Variants in VASH2 observed in about 807,000 individuals in gnomAD.
The protein encoded by VASH2 is vasohibin 2.
Under a neutral mutation model 37.2 loss-of-function variants are expected in VASH2, and 28 were observed. The observed-to-expected ratio is 0.75, with a 90% CI of 0.56 to 1.03. The LOEUF (loss-of-function observed/expected upper bound fraction) is 1.03, where lower values mean the gene tolerates loss of function less well. VASH2 is among the 50% of genes least tolerant of loss of function. The pLI is 0.00. For synonymous variants in VASH2, 188 were observed against 174.7 expected (o/e 1.08, Z -0.60); for missense variants, 419 against 459.1 (o/e 0.91, Z 0.80).
intron 7 of VASH2, among the ~76,000 whole-genome samples, chr1:212,980,735 A>G (rs1667316001): frequency 6.6e-6 from 1 of 152,252 alleles, no homozygotes; most frequent in South Asian, 2.1e-4. Flanking sequence ...CCCAAGAAGT[A>G]ATTCTCCTTA....
chr1:212,987,701 G>C (rs1174183580), intron 7 of VASH2, among the ~76,000 whole-genome samples: 1 of 152,208 alleles, frequency 6.6e-6, no homozygotes, highest in Non-Finnish European at 1.5e-5. Context: ...TCCTAAACTT[G>C]ATTCATGATC....
chr1:212,969,068 C>G, intron 5 of VASH2: 1 of 985,412 alleles, frequency 1.0e-6, no homozygotes, highest in Non-Finnish European at 1.2e-6. Flanking sequence ...CGTGGTTTTC[C>G]TTTGTTCTTA....
intron 7 of VASH2, chr1:212,974,550 C>G (rs1667114847): frequency 6.6e-6 from 1 of 152,288 alleles, no homozygotes; most frequent in South Asian, 2.1e-4. Context: ...CAGAAACACC[C>G]ACCGGCTCTT....
chr1:212,976,964 C>T (rs547552272), intron 7 of VASH2, among the ~76,000 whole-genome samples: 44 of 151,930 alleles, frequency 2.9e-4, no homozygotes, highest in Non-Finnish European at 4.6e-4. Flanking sequence ...GGTGATGGCT[C>T]AGGGCTCAGC....
At chr1:212,968,336 A>G in intron 5 of VASH2, 2 of 985,466 alleles carry the variant, frequency 2.0e-6, no homozygotes, top group Non-Finnish European at 2.4e-6. Flanking sequence ...AAGGAAAGAG[A>G]GGTAGAAAGA....
At chr1:212,963,629 G>A (rs1461350508) in intron 3 of VASH2, among the ~76,000 whole-genome samples, 1 of 152,100 alleles carries the variant, frequency 6.6e-6, no homozygotes, top group East Asian at 1.9e-4. Flanking sequence ...TGGATTGGGG[G>A]AGAAGCCTTC....
At chr1:212,953,286 C>A (rs1666381646) in intron 2 of VASH2, among the ~76,000 whole-genome samples, 1 of 152,064 alleles carries the variant, frequency 6.6e-6, no homozygotes, top group African/African-American at 2.4e-5. Flanking sequence ...TTGTAGAGAC[C>A]AGTCTCCCAC....
intron 5 of VASH2, chr1:212,968,193 GA>G (rs1384631262): frequency 1.0e-6 from 1 of 985,240 alleles, no homozygotes; most frequent in African/African-American, 1.7e-5. Context: ...ATCTGCACTG[GA>G]AATGCGAATT....
chr1:212,975,570 A>G (rs954061826), intron 7 of VASH2, among the ~76,000 whole-genome samples: 20 of 152,168 alleles, frequency 1.3e-4, no homozygotes, highest in African/African-American at 4.8e-4. Flanking sequence ...CTTACCCTAT[A>G]TCTCTCTCTG....
chr1:212,951,801 G>C lies in VASH2; in HGVS notation c.259G>C (p.Ala87Pro), dbSNP rs1666318752. ...AGAAATGGTGGGCGCCATCAGGAACGCCGCCTTCTTGGCAAAGGTCAGTGG... is the reference window on the plus strand; with the variant it reads ...AGAAATGGTGGGCGCCATCAGGAACCCCGCCTTCTTGGCAAAGGTCAGTGG... ...GGEMVGAIRN[A>P]AFLAKPSIPQ... The change falls in exon 2 of 8, where the codon GCC becomes CCC. Residue 87 changes from alanine (A) to proline (P), a missense_variant. Physicochemically the swap from Ala to Pro is conservative, Grantham distance 27. Coordinates refer to ENST00000517399, the MANE Select transcript of VASH2 (RefSeq NM_001301056.2). The surrounding 1 kb of genome is among the most constrained non-coding windows in gnomAD (Gnocchi z 4.4). 7.5e-6 allele frequency: 12 copies of C among 1,605,940 alleles called. No individual in the cohort carries two copies. The highest frequency in any genetic ancestry group is 1.0e-5 in the Non-Finnish European group (12 of 1,178,088).
intron 7 of VASH2, 147 bp from the exon 8 acceptor site, chr1:212,988,365 T>C (rs1209998884): frequency 6.7e-6 from 5 of 741,502 alleles, no homozygotes; most frequent in Non-Finnish European, 1.2e-5. Flanking sequence ...AGTAGAGTTG[T>C]GAGCTAAGGC....
chr1:212,976,688 C>A (rs928615257), intron 7 of VASH2, among the ~76,000 whole-genome samples: 1 of 152,168 alleles, frequency 6.6e-6, no homozygotes, highest in Admixed American at 6.5e-5. Context: ...AGTGCACCTG[C>A]GCCTGCAGAG....
chr1:212,960,636 C>T lies in VASH2; in HGVS notation c.277-530C>T, dbSNP rs74140536. Among the ~76,000 whole-genome samples, 12 of 152,326 alleles carry T rather than the reference C, an allele frequency of 7.9e-5. No homozygotes were observed. In the East Asian group the frequency reaches 9.6e-4, roughly 12 times the overall value. On this transcript the variant is annotated intron_variant, in intron 2 of 7. Transcript: ENST00000517399. Reference sequence around the variant, plus strand: ...AACTCCTGGACTCATGTGATCCACACGCCTTGGCCTCCCAAAGTGCTGGGA... The same window carrying T: ...AACTCCTGGACTCATGTGATCCACATGCCTTGGCCTCCCAAAGTGCTGGGA...
In VASH2 at chr1:212,972,661, C is replaced by T. The variant is rs752607883; in HGVS notation, c.579C>T (p.His193=). ...KTYFSGNYFH[H]VVLGIYCNGR... ...ACTTCTCAGGAAACTACTTTCACCACGTTGTGCTGGGGATTTACTGCAATG... is the reference window on the plus strand; with the variant it reads ...ACTTCTCAGGAAACTACTTTCACCATGTTGTGCTGGGGATTTACTGCAATG... Residue 193 remains histidine, a synonymous_variant, in exon 6 of 8, where the codon CAC becomes CAT. Transcript: ENST00000517399. The T allele has an allele frequency of 4.7e-5, 76 of 1,614,102 alleles. No individual in the cohort carries two copies. The highest frequency in any genetic ancestry group is 1.6e-4 in the Middle Eastern group (1 of 6,084).
rs1256802004 is a variant in VASH2 at position 212,990,653 on chromosome 1, CTG to C, written c.*2071_*2072del. On this transcript the variant is annotated 3_prime_UTR_variant, in exon 8 of 8. Coordinates refer to ENST00000517399, the MANE Select transcript of VASH2 (RefSeq NM_001301056.2). ...GAGGAAAAGAACAGGAATACAAACT[CTG>C]TAATATGCTGATAAAGAAGCCTTAG... 6.6e-6 allele frequency: 1 copy of C among 152,318 alleles called. No individual in the cohort carries two copies. Among genetic ancestry groups the C allele is most frequent in the East Asian group, 1.9e-4 (1 of 5,194 alleles). The allele number at this position is 152,318 out of a possible 1,614,324, so 9.4% of individuals were successfully genotyped here. A position where few individuals can be genotyped will look rare whatever the true frequency, so the allele number is the denominator to read the frequency against.
At chr1:212,986,291 C>T (rs1208096101) in intron 7 of VASH2, among the ~76,000 whole-genome samples, 1 of 152,152 alleles carries the variant, frequency 6.6e-6, no homozygotes, top group African/African-American at 2.4e-5. Flanking sequence ...ACAAGTGGGG[C>T]ACACTGTGGA....
At chr1:212,959,352 A>G (rs1666600047) in intron 2 of VASH2, among the ~76,000 whole-genome samples, 1 of 152,160 alleles carries the variant, frequency 6.6e-6, no homozygotes, top group Non-Finnish European at 1.5e-5. Context: ...TCAGACAGCA[A>G]TGTGATTGAT....
rs200339505 is a variant in VASH2 at position 212,957,079 on chromosome 1, A to G, written c.277-4087A>G. ...GACCATTCTACTTTGTGTCTCTATG[A>G]CTTTGACTACTCTGGGAACCTTATA... is the stretch of plus-strand genomic sequence containing the variant. On this transcript the variant is annotated intron_variant, in intron 2 of 7. Transcript: ENST00000517399. Among the ~76,000 whole-genome samples, 5 of 152,290 alleles carry G rather than the reference A, an allele frequency of 3.3e-5. No homozygotes were observed. The East Asian group carries it at 9.6e-4, about 29-fold the overall frequency.
rs142506974 is a variant in VASH2, at chr1:212,953,938, C to G, written c.276+2120C>G. On this transcript the variant is annotated intron_variant, in intron 2 of 7. Coordinates refer to ENST00000517399, the MANE Select transcript of VASH2 (RefSeq NM_001301056.2). ...TTTTTTCTTATTTTGGAGACAAGGCCTTCCTCTGTCACCCAGGCTGGAGTG... is the reference window on the plus strand; with the variant it reads ...TTTTTTCTTATTTTGGAGACAAGGCGTTCCTCTGTCACCCAGGCTGGAGTG... 5.6e-3 allele frequency among the ~76,000 whole-genome samples: 852 copies of G among 152,114 alleles called. 7 individuals carry two copies. Among genetic ancestry groups the G allele is most frequent in the African/African-American group, 0.017 (718 of 41,480 alleles).
Sources: allele counts gnomAD v4.1 joint callset (sites outside exome capture counted in the v4.1 genomes callset), GRCh38; gene constraint gnomAD v4.1.1; non-coding constraint Gnocchi (gnomAD v3.1); transcripts MANE v1.5; gene names NCBI Gene and HGNC (gene_info 2026-07-23, HGNC 2026-07-21).